The following ROBO1 variants were observed in gnomAD, a reference collection of about 807,000 sequenced individuals.
ROBO1 encodes the protein roundabout homolog 1.
In ROBO1, 149 loss-of-function variants were observed where a neutral mutation model predicts 195.9. That is an observed-to-expected ratio of 0.76 (90% CI 0.67 to 0.87). ROBO1 has a LOEUF of 0.87. Ranked by LOEUF, ROBO1 falls within the 40% of genes least tolerant of loss-of-function variation. The pLI is 0.00. For missense variants in ROBO1, 1,933 were observed against 2,068.3 expected (o/e 0.93, Z 1.27); for synonymous variants, 816 against 733.2 (o/e 1.11, Z -1.82).
At chr3:79,014,150 T>A (rs780336522) in intron 3 of ROBO1, among the ~76,000 whole-genome samples, 1 of 152,172 alleles carries the variant, frequency 6.6e-6, no homozygotes, top group Admixed American at 6.5e-5. Flanking sequence ...TTTAAGAGAA[T>A]ATACACTGAC....
At chr3:78,613,647 T>C (rs1703942833) in intron 28 of ROBO1, among the ~76,000 whole-genome samples, 1 of 152,168 alleles carries the variant, frequency 6.6e-6, no homozygotes, top group Admixed American at 6.5e-5. Flanking sequence ...CAGCCACTCA[T>C]TGCAAAATTA....
At position 79,519,628 on chromosome 3, in the gene ROBO1, C is replaced by CAAAAAA. The variant is rs71631657; in HGVS notation, c.88+70190_88+70195dup. 1.5e-3 allele frequency among the ~76,000 whole-genome samples: 99 copies of CAAAAAA among 64,418 alleles called. 1 individual carries two copies. Among genetic ancestry groups the CAAAAAA allele is most frequent in the East Asian group, 2.0e-3 (4 of 2,034 alleles). The allele number at this position is 64,418 out of a possible 152,430, so 42.3% of individuals were successfully genotyped here. A position where few individuals can be genotyped will look rare whatever the true frequency, so the allele number is the denominator to read the frequency against. On this transcript the variant is annotated intron_variant, in intron 2 of 30. Coordinates refer to ENST00000464233, the MANE Select transcript of ROBO1 (RefSeq NM_002941.4). The stretch of plus-strand genomic sequence containing the variant: ...TGGGTGACAGAGCCAGACTCCTGCT[C>CAAAAAA]AAAAAAAAAAAAAAAAAAAAAGAAA...
intron 3 of ROBO1, among the ~76,000 whole-genome samples, chr3:78,939,635 G>GA (rs71928868): frequency 0.12 from 17,529 of 146,106 alleles, 2,590 homozygotes; most frequent in African/African-American, 0.36. Context: ...AAAGAAAAAA[G>GA]AAAAAAAAAT....
rs755367247 is a variant in ROBO1, at chr3:78,614,762, T to C, written c.4321A>G (p.Thr1441Ala). The stretch of plus-strand genomic sequence containing the variant: ...TTGCTGTCTGTAGACACGGGACTTG[T>C]GGGCCTAGGGCACTGAGACGCATGA... The part of the protein sequence containing the change: ...HFHASQCPRP[T>A]SPVSTDSNMS... The change falls in exon 28 of 31, where the codon ACA (threonine) becomes GCA (alanine). Residue 1441 changes from threonine to alanine, a missense_variant. Thr to Ala is a moderately conservative substitution (Grantham distance 58). This residue lies in a region of ROBO1 where 1,737 missense variants were observed against 1,882.5 expected (regional missense o/e 0.92). Transcript: ENST00000464233. 1 of 1,611,662 alleles carries C rather than the reference T, an allele frequency of 6.2e-7. No individual in the cohort carries two copies.
At position 79,463,569 on chromosome 3, in the gene ROBO1, G is replaced by A. The variant is rs1703223746; in HGVS notation, c.88+126255C>T. ...TTTTCTGCTGGATTATTTCCACATA[G>A]ATTAGCTTGAAGCCAACTTTAGATG... On this transcript the variant is annotated intron_variant, in intron 2 of 30. Transcript: ENST00000464233. Among the ~76,000 whole-genome samples, 6 of 152,192 alleles carry A rather than the reference G, an allele frequency of 3.9e-5. No homozygotes were observed. The South Asian group carries it at 1.2e-3, about 32-fold the overall frequency.
At chr3:78,940,299 G>T (rs1236771652) in intron 3 of ROBO1, among the ~76,000 whole-genome samples, 1 of 152,216 alleles carries the variant, frequency 6.6e-6, no homozygotes, top group Non-Finnish European at 1.5e-5. Context: ...CCACCAGGAT[G>T]TAGGAAAGCC....
intron 3 of ROBO1, among the ~76,000 whole-genome samples, chr3:79,011,364 A>G (rs2077771101): frequency 6.6e-6 from 1 of 152,214 alleles, no homozygotes; most frequent in Admixed American, 6.5e-5. Context: ...TGAAAAAAGA[A>G]AATCACGTGC....
chr3:79,156,070 A>C (rs2080853030), intron 2 of ROBO1, among the ~76,000 whole-genome samples: 2 of 151,640 alleles, frequency 1.3e-5, no homozygotes, highest in Non-Finnish European at 3.0e-5. Flanking sequence ...GTTCACTCCT[A>C]AACACCCTTA....
chr3:79,671,229 C>A (rs1355858750), intron 1 of ROBO1, among the ~76,000 whole-genome samples: 1 of 151,708 alleles, frequency 6.6e-6, no homozygotes, highest in Non-Finnish European at 1.5e-5. Context: ...AGTGTCTCTG[C>A]GTTTGTTATG....
At chr3:78,795,451 C>T (rs971686863) in intron 4 of ROBO1, among the ~76,000 whole-genome samples, 4 of 152,090 alleles carry the variant, frequency 2.6e-5, no homozygotes, top group African/African-American at 9.7e-5. Context: ...GCTTTGCATA[C>T]AGGAACAACA....
chr3:79,734,440 T>G (rs1408632241), intron 1 of ROBO1, among the ~76,000 whole-genome samples: 1 of 152,244 alleles, frequency 6.6e-6, no homozygotes, highest in Non-Finnish European at 1.5e-5. Context: ...TTAATTTTTT[T>G]CTGACTATAA....
intron 1 of ROBO1, among the ~76,000 whole-genome samples, chr3:79,605,278 T>G (rs965159380): frequency 1.8e-4 from 27 of 151,584 alleles, no homozygotes; most frequent in African/African-American, 6.3e-4. Flanking sequence ...TTCTCTGCCT[T>G]GCTTCTAAAT....
rs78082238 is a variant in ROBO1 at position 79,593,440 on chromosome 3, T to A, written c.-50-3479A>T. Among the ~76,000 whole-genome samples the A allele has an allele frequency of 2.1e-3, 312 of 152,128 alleles. 2 individuals are homozygous for A. The highest frequency in any genetic ancestry group is 7.2e-3 in the African/African-American group (300 of 41,546). On this transcript the variant is annotated intron_variant, in intron 1 of 30. Coordinates refer to ENST00000464233, the MANE Select transcript of ROBO1 (RefSeq NM_002941.4). ...CAGCTGGTGTTGCCAGTGTTCTAGG[T>A]TTTGGCCATTCTAGTGGGCATGCAA...
chr3:79,686,851 G>A (rs915811260), intron 1 of ROBO1, among the ~76,000 whole-genome samples: 1 of 152,080 alleles, frequency 6.6e-6, no homozygotes, highest in Middle Eastern at 3.2e-3. Context: ...TTTCTTCACA[G>A]AATTGGAAAA....
At chr3:78,730,633 T>C (rs1348636906) in intron 5 of ROBO1, among the ~76,000 whole-genome samples, 2 of 152,126 alleles carry the variant, frequency 1.3e-5, no homozygotes, top group African/African-American at 4.8e-5. Flanking sequence ...AATCAGAAGT[T>C]AGGGCTCATC....
At chr3:79,640,698 C>T (rs1188175251) in intron 1 of ROBO1, among the ~76,000 whole-genome samples, 1 of 152,108 alleles carries the variant, frequency 6.6e-6, no homozygotes, top group Admixed American at 6.6e-5. Context: ...TCTACATTGA[C>T]CTCATGCTAC....
intron 4 of ROBO1, 51 bp from the exon 5 acceptor site, chr3:78,746,951 T>C (rs1371642919): frequency 1.7e-5 from 21 of 1,268,220 alleles, no homozygotes; most frequent in Non-Finnish European, 2.2e-5. Context: ...GATACAGTCC[T>C]AATCTCTGAA....
At chr3:79,585,846 T>G (rs955254062) in intron 2 of ROBO1, among the ~76,000 whole-genome samples, 1 of 151,982 alleles carries the variant, frequency 6.6e-6, no homozygotes, top group Non-Finnish European at 1.5e-5. Flanking sequence ...GACTACTTTC[T>G]AAATAGTCAG....
chr3:79,305,732 C>A (rs907544157), intron 2 of ROBO1, among the ~76,000 whole-genome samples: 1 of 151,738 alleles, frequency 6.6e-6, no homozygotes, highest in Admixed American at 6.6e-5. Context: ...AAAAACTTGC[C>A]CAAAATTTCG....
Sources: gnomAD v4.1 joint callset for allele counts (sites outside exome capture counted in the v4.1 genomes callset) on GRCh38, gnomAD v4.1.1 for gene constraint, gnomAD v4.1.1 regional missense constraint, MANE v1.5 for transcripts, NCBI Gene and HGNC (gene_info 2026-07-23, HGNC 2026-07-21) for gene names.